Variants in TRIP11 observed in about 807,000 individuals in gnomAD.
TRIP11 encodes thyroid receptor-interacting protein 11.
In TRIP11, 148 loss-of-function variants were observed where a neutral mutation model predicts 223.1. That is an observed-to-expected ratio of 0.66 (90% CI 0.58 to 0.76). The LOEUF (loss-of-function observed/expected upper bound fraction) is 0.76, where lower values mean the gene tolerates loss of function less well. Among genes scored for constraint, TRIP11 ranks in the 30% least tolerant of loss-of-function variants. The pLI, the probability that TRIP11 is intolerant of heterozygous loss-of-function variation, is 0.00. For missense variants in TRIP11, 2,043 were observed against 2,222.0 expected (o/e 0.92, Z 1.62); for synonymous variants, 762 against 772.6 (o/e 0.99, Z 0.23).
In TRIP11 at chr14:92,036,967, C is replaced by G. The variant is rs114079961; in HGVS notation, c.139+2580G>C. On this transcript the variant is annotated intron_variant, in intron 1 of 20. Coordinates refer to ENST00000267622, the MANE Select transcript of TRIP11 (RefSeq NM_004239.4). ...CTAGTCCTCAACTCCTGGCTTTAAG[C>G]TATCCTCCCACTTTAGCCTCCCAAA... is the stretch of plus-strand genomic sequence containing the variant. Among the ~76,000 whole-genome samples, 696 of 152,280 alleles carry G rather than the reference C, an allele frequency of 4.6e-3. 11 individuals are homozygous for G. Among genetic ancestry groups the G allele is most frequent in the South Asian group, 0.036 (174 of 4,824 alleles).
intron 2 of TRIP11, chr14:92,026,578 G>A: frequency 7.8e-7 from 1 of 1,281,504 alleles, no homozygotes; most frequent in South Asian, 1.2e-5. Flanking sequence ...GTCAGACGCA[G>A]CCGTGGACAC....
At chr14:92,034,714 A>T (rs540131277) in intron 1 of TRIP11, among the ~76,000 whole-genome samples, 1 of 152,270 alleles carries the variant, frequency 6.6e-6, no homozygotes, top group South Asian at 2.1e-4. Flanking sequence ...TAGTGGTGTG[A>T]TCATGGCTCA....
chr14:92,035,976 C>T (rs751460520), intron 1 of TRIP11, among the ~76,000 whole-genome samples: 4 of 152,122 alleles, frequency 2.6e-5, no homozygotes, highest in Non-Finnish European at 5.9e-5. Flanking sequence ...GCCTGCAGAC[C>T]ACAGGTTGGA....
At chr14:92,038,915 G>C (rs1239765170) in intron 1 of TRIP11, among the ~76,000 whole-genome samples, 3 of 152,154 alleles carry the variant, frequency 2.0e-5, no homozygotes, top group African/African-American at 7.2e-5. Flanking sequence ...AGTGAAGATT[G>C]CTAAGGGTAC....
rs770217716 is a variant in TRIP11, at chr14:91,988,403, T to TA, written c.5161-21dup. ...ACATTCCTGAGAAAGAAAACTTTAT[T>TA]AAAAAAAAGTATGCAAAAATTATTT... On this transcript the variant is annotated intron_variant, in intron 15 of 20. Coordinates refer to ENST00000267622, the MANE Select transcript of TRIP11 (RefSeq NM_004239.4). 5 of 1,601,004 alleles carry TA rather than the reference T, an allele frequency of 3.1e-6. No individual in the cohort carries two copies. Among genetic ancestry groups the TA allele is most frequent in the Non-Finnish European group, 3.4e-6 (4 of 1,169,316 alleles).
intron 5 of TRIP11, among the ~76,000 whole-genome samples, chr14:92,017,362 G>C (rs1337658519): frequency 6.6e-6 from 1 of 152,120 alleles, no homozygotes; most frequent in Non-Finnish European, 1.5e-5. Flanking sequence ...GGCACCATTA[G>C]CAAACCCCAT....
chr14:92,003,491 T>C lies in TRIP11; in HGVS notation c.4485A>G (p.Glu1495=). The change falls in exon 11 of 21, where the codon GAA becomes GAG. Residue 1495 remains glutamate (E), a synonymous_variant. Coordinates refer to ENST00000267622, the MANE Select transcript of TRIP11 (RefSeq NM_004239.4). The stretch of plus-strand genomic sequence containing the variant: ...TCATTGAGTGGCACTCAAACTCTTT[T>C]TCTCGCAGCATCATAGAAAACTTCA... ...TNMKFSMMLR[E]KEFECHSMKE... 6.2e-7 allele frequency: 1 copy of C among 1,614,168 alleles called. No homozygotes were observed. The highest frequency in any genetic ancestry group is 8.5e-7 in the Non-Finnish European group (1 of 1,180,022).
At chr14:92,001,688 T>C (rs1011863163) in intron 11 of TRIP11, among the ~76,000 whole-genome samples, 1 of 152,152 alleles carries the variant, frequency 6.6e-6, no homozygotes, top group Non-Finnish European at 1.5e-5. Context: ...AGAACTAAAT[T>C]GTACAAAACG....
chr14:92,005,527 T>TA lies in TRIP11; in HGVS notation c.2448dup (p.Ile817TyrfsTer2), dbSNP rs1468013861. 1 of 1,611,488 alleles carries TA rather than the reference T, an allele frequency of 6.2e-7. No individual in the cohort carries two copies. Among genetic ancestry groups the TA allele is most frequent in the Non-Finnish European group, 8.5e-7 (1 of 1,179,534 alleles). ...GAACTTCTTTCTTTAAGCTTTTCAA[T>TA]AAAAATTTCTTTCTTGTTTATAAGT... On this transcript the variant is annotated frameshift_variant, in exon 11 of 21. Transcript: ENST00000267622. LOFTEE classifies it high-confidence loss of function.
At chr14:91,996,692 G>A (rs2056755591) in intron 13 of TRIP11, among the ~76,000 whole-genome samples, 1 of 152,182 alleles carries the variant, frequency 6.6e-6, no homozygotes, top group Non-Finnish European at 1.5e-5. Flanking sequence ...ATACAAAATG[G>A]ATTCTATGAC....
Position 91,993,902 on chromosome 14 carries a change from A to G in TRIP11, c.5067T>C (p.Ala1689=). 1 of 1,612,678 alleles carries G rather than the reference A, an allele frequency of 6.2e-7. No homozygotes were observed. Among genetic ancestry groups the G allele is most frequent in the Non-Finnish European group, 8.5e-7 (1 of 1,179,312 alleles). ...VLEHFQQEEK[A]MYSAELEKQK... Reference sequence around the variant, plus strand: ...GCTTTTCGAGTTCAGCAGAATACATAGCTTTTTCCTCTAAAGAGAAAAGAA... The same window carrying G: ...GCTTTTCGAGTTCAGCAGAATACATGGCTTTTTCCTCTAAAGAGAAAAGAA... Residue 1689 remains alanine (A), a synonymous_variant, in exon 15 of 21, where the codon GCT becomes GCC. Transcript: ENST00000267622.
rs1297878350 is a variant in TRIP11 at position 92,004,492 on chromosome 14, A to G, written c.3484T>C (p.Leu1162=). 1.9e-6 allele frequency: 3 copies of G among 1,613,276 alleles called. No individual in the cohort carries two copies. The highest frequency in any genetic ancestry group is 1.1e-5 in the South Asian group (1 of 91,084). Residue 1162 remains leucine, a synonymous_variant, in exon 11 of 21, where the codon TTA becomes CTA. Coordinates refer to ENST00000267622, the MANE Select transcript of TRIP11 (RefSeq NM_004239.4). Reference sequence around the variant, plus strand: ...TCTTTTTCTCGAATGATACGTGATAAATTCTGAATAGTTTCTCTAAACATA... The same window carrying G: ...TCTTTTTCTCGAATGATACGTGATAGATTCTGAATAGTTTCTCTAAACATA... ...QDMFRETIQN[L]SRIIREKDIE... is the part of the protein sequence containing the mutation.
chr14:92,016,375 C>A (rs989636720), intron 5 of TRIP11, among the ~76,000 whole-genome samples: 4 of 152,168 alleles, frequency 2.6e-5, no homozygotes, highest in African/African-American at 4.8e-5. Context: ...ACTAGGGAAA[C>A]TGGTTTGACG....
chr14:92,010,109 A>G (rs1392014380), intron 9 of TRIP11, among the ~76,000 whole-genome samples: 3 of 152,232 alleles, frequency 2.0e-5, no homozygotes, highest in Non-Finnish European at 4.4e-5. Flanking sequence ...AAATTTCCCC[A>G]AAGTGGTTCA....
chr14:92,018,469 G>A (rs2057064732), intron 4 of TRIP11, among the ~76,000 whole-genome samples: 1 of 151,544 alleles, frequency 6.6e-6, no homozygotes, highest in Non-Finnish European at 1.5e-5. Flanking sequence ...ACAACTTTTG[G>A]ATTCTTCTCA....
chr14:91,976,085 A>C (rs765689635), intron 17 of TRIP11, 23 bp downstream of exon 17: 1 of 1,607,246 alleles, frequency 6.2e-7, no homozygotes, highest in Non-Finnish European at 8.5e-7. Flanking sequence ...AAAATATACA[A>C]ACATTAAAAG....
Position 92,006,353 on chromosome 14 carries a change from C to CT in TRIP11, c.1622dup (p.Arg542GlufsTer6). The CT allele has an allele frequency of 6.2e-7, 1 of 1,612,032 alleles. No individual in the cohort carries two copies. Among genetic ancestry groups the CT allele is most frequent in the South Asian group, 1.1e-5 (1 of 90,590 alleles). The stretch of plus-strand genomic sequence containing the variant: ...TATCATCTTCAAGTTGATGAACTCT[C>CT]TTTTTTTCATCATTTAGATCTTGTT... On this transcript the variant is annotated frameshift_variant, in exon 11 of 21. Coordinates refer to ENST00000267622, the MANE Select transcript of TRIP11 (RefSeq NM_004239.4). LOFTEE classifies it high-confidence loss of function.
In TRIP11 at chr14:92,006,369, A is replaced by T; in HGVS notation, c.1607T>A (p.Leu536Gln). Reference sequence around the variant, plus strand: ...ATGAACTCTCTTTTTTTCATCATTTAGATCTTGTTTCAGTTTACTGATGAT... The same window carrying T: ...ATGAACTCTCTTTTTTTCATCATTTTGATCTTGTTTCAGTTTACTGATGAT... ...DSIISKLKQD[L>Q]NDEKKRVHQL... The change falls in exon 11 of 21, where the codon CTA becomes CAA. Residue 536 changes from leucine (L) to glutamine (Q), a missense_variant. Transcript: ENST00000267622. 6.2e-7 allele frequency: 1 copy of T among 1,612,422 alleles called. No individual in the cohort carries two copies. The highest frequency in any genetic ancestry group is 1.7e-4 in the Middle Eastern group (1 of 6,040).
rs74523744 is a variant in TRIP11 at position 92,028,393 on chromosome 14, C to T, written c.202-2973G>A. Among the ~76,000 whole-genome samples, 961 of 152,020 alleles carry T rather than the reference C, an allele frequency of 6.3e-3. 14 individuals are homozygous for T. The highest frequency in any genetic ancestry group is 0.021 in the African/African-American group (889 of 41,436). On this transcript the variant is annotated intron_variant, in intron 2 of 20. Coordinates refer to ENST00000267622, the MANE Select transcript of TRIP11 (RefSeq NM_004239.4). ...TGGGCAACATAAGGAACAAAAAATA[C>T]AAATACAAAATTAGCTGGGCATGTT...
Sources: gnomAD v4.1 joint callset for allele counts (sites outside exome capture counted in the v4.1 genomes callset) on GRCh38, gnomAD v4.1.1 for gene constraint, MANE v1.5 for transcripts, NCBI Gene and HGNC (gene_info 2026-07-23, HGNC 2026-07-21) for gene names.